The following CALN1 variants were observed in gnomAD, a reference collection of about 807,000 sequenced individuals.
The protein encoded by CALN1 is calcium-binding protein 8.
A neutral mutation model predicts 30.6 loss-of-function variants in CALN1; 17 were observed. That is an observed-to-expected ratio of 0.56 (90% CI 0.38 to 0.83). The LOEUF is 0.83. CALN1 is among the 40% of genes least tolerant of loss of function. CALN1 has a pLI of 0.00. For missense variants in CALN1, 291 were observed against 354.9 expected, an observed-to-expected ratio of 0.82 and a Z score of 1.45; for synonymous variants, 156 against 131.4, an observed-to-expected ratio of 1.19 and a Z score of -1.28.
intron 5 of CALN1, among the ~76,000 whole-genome samples, chr7:71,949,087 T>A (rs1447063007): frequency 6.8e-6 from 1 of 147,938 alleles, no homozygotes; most frequent in Non-Finnish European, 1.5e-5. Flanking sequence ...TTGTTTTCCA[T>A]GCTGCCAGTT....
intron 6 of CALN1, among the ~76,000 whole-genome samples, chr7:71,791,208 G>A (rs2115895621): frequency 6.6e-6 from 1 of 152,254 alleles, no homozygotes; most frequent in South Asian, 2.1e-4. Flanking sequence ...ATTCCATGGT[G>A]TTTATGTACC....
intron 3 of CALN1, among the ~76,000 whole-genome samples, chr7:72,237,309 A>ATCAAAT (rs1472493538): frequency 6.6e-6 from 1 of 152,136 alleles, no homozygotes; most frequent in Non-Finnish European, 1.5e-5. Context: ...TATACCGGTA[A>ATCAAAT]GGGAAGATCA....
At chr7:72,013,146 G>A (rs1482613059) in intron 5 of CALN1, among the ~76,000 whole-genome samples, 1 of 151,824 alleles carries the variant, frequency 6.6e-6, no homozygotes, top group Non-Finnish European at 1.5e-5. Flanking sequence ...CCATAACCAT[G>A]GGCGTGTGAA....
intron 5 of CALN1, among the ~76,000 whole-genome samples, chr7:71,840,812 C>G (rs898685596): frequency 3.9e-5 from 6 of 152,112 alleles, no homozygotes; most frequent in African/African-American, 1.4e-4. Context: ...TTCGTTAGCA[C>G]TGTTTGACCA....
chr7:72,343,546 CAA>C (rs34463871), intron 2 of CALN1, among the ~76,000 whole-genome samples: 24 of 144,736 alleles, frequency 1.7e-4, no homozygotes, highest in African/African-American at 3.0e-4. Flanking sequence ...GATTCTGTCT[CAA>C]AAAAAAAAAA....
intron 6 of CALN1, among the ~76,000 whole-genome samples, chr7:71,808,602 A>C (rs1351402057): frequency 6.6e-6 from 1 of 152,136 alleles, no homozygotes; most frequent in Admixed American, 6.6e-5. Flanking sequence ...TTTGAGAAAT[A>C]AAAAGGCCTT....
chr7:71,971,187 G>A (rs1219881026), intron 5 of CALN1, among the ~76,000 whole-genome samples: 1 of 152,226 alleles, frequency 6.6e-6, no homozygotes, highest in African/African-American at 2.4e-5. Context: ...GGTGGCTCAT[G>A]CCTGTAATCC....
chr7:71,825,661 A>G (rs1788865485), intron 5 of CALN1, among the ~76,000 whole-genome samples: 1 of 152,110 alleles, frequency 6.6e-6, no homozygotes, highest in African/African-American at 2.4e-5. Flanking sequence ...TACCTTGGAC[A>G]AGACTGCTTG....
At chr7:72,393,000 A>C (rs1805675672) in intron 2 of CALN1, among the ~76,000 whole-genome samples, 1 of 150,180 alleles carries the variant, frequency 6.7e-6, no homozygotes, top group Non-Finnish European at 1.5e-5. Context: ...TCTGTCACTT[A>C]AAAAAAAAAT....
In CALN1 at chr7:72,064,199, T is replaced by C. The variant is rs561421433; in HGVS notation, c.389-40430A>G. Among the ~76,000 whole-genome samples the C allele has an allele frequency of 2.6e-5, 4 of 151,790 alleles. No homozygotes were observed. The East Asian group carries it at 7.8e-4, about 30-fold the overall frequency. On this transcript the variant is annotated intron_variant, in intron 4 of 6. Transcript: ENST00000395275. ...CAGGAGGCTGAGGCAGGAGAATCACTTGAACCCAGGAGGCAGAGGTTGCAG... is the reference window on the plus strand; with the variant it reads ...CAGGAGGCTGAGGCAGGAGAATCACCTGAACCCAGGAGGCAGAGGTTGCAG...
intron 5 of CALN1, among the ~76,000 whole-genome samples, chr7:71,917,085 T>C (rs4719188): frequency 0.086 from 13,098 of 152,138 alleles, 962 homozygotes; most frequent in East Asian, 0.42. Context: ...AATGAGCTAG[T>C]TGAGAAGGTG....
At chr7:72,271,575 A>AAAAAAAAAAAAAAAAATATATATATATAT in intron 3 of CALN1, among the ~76,000 whole-genome samples, 16 of 52,108 alleles carry the variant, frequency 3.1e-4, no homozygotes, top group African/African-American at 5.4e-4. Flanking sequence ...AAAAAAAAAA[A>AAAAAAAAAAAAAAAAATATATATATATAT]ATATATATAT....
intron 3 of CALN1, among the ~76,000 whole-genome samples, chr7:72,189,355 A>G (rs1298892087): frequency 6.6e-6 from 1 of 152,210 alleles, no homozygotes; most frequent in African/African-American, 2.4e-5. Context: ...ACAGAAAAGA[A>G]TTTTGTTTCT....
chr7:72,437,789 T>A (rs1176967708), intron 1 of CALN1, among the ~76,000 whole-genome samples: 3 of 139,566 alleles, frequency 2.1e-5, no homozygotes, highest in Non-Finnish European at 4.7e-5. Context: ...CTCCCTTCCT[T>A]CCTTTCCTTC....
At chr7:72,410,383 G>A (rs1265509857) in intron 1 of CALN1, among the ~76,000 whole-genome samples, 8 of 152,182 alleles carry the variant, frequency 5.3e-5, no homozygotes, top group Admixed American at 5.2e-4. Flanking sequence ...AATCTAGGAC[G>A]TAGAAAATGT....
chr7:72,368,231 T>G (rs887837882), intron 2 of CALN1, among the ~76,000 whole-genome samples: 1 of 150,820 alleles, frequency 6.6e-6, no homozygotes, highest in Non-Finnish European at 1.5e-5. Context: ...GCGTGATATA[T>G]ATATCTAGGA....
At chr7:71,892,683 G>C (rs1383427080) in intron 5 of CALN1, among the ~76,000 whole-genome samples, 1 of 152,282 alleles carries the variant, frequency 6.6e-6, no homozygotes, top group Admixed American at 6.5e-5. Context: ...GGTTTCTTGT[G>C]TGACTTTCAA....
At chr7:71,944,568 T>G (rs1796305266) in intron 5 of CALN1, among the ~76,000 whole-genome samples, 1 of 80,810 alleles carries the variant, frequency 1.2e-5, no homozygotes, top group Non-Finnish European at 2.3e-5. Flanking sequence ...CACTCCAGCC[T>G]GGGCAATAAG....
intron 4 of CALN1, among the ~76,000 whole-genome samples, chr7:72,067,776 G>GGCAAGCGGCA (rs1804124855): frequency 6.6e-6 from 1 of 152,080 alleles, no homozygotes; most frequent in Admixed American, 6.5e-5. Flanking sequence ...CACTTGGTAT[G>GGCAAGCGGCA]CTTGGGCCCC....
Sources: gnomAD v4.1 joint callset for allele counts (sites outside exome capture counted in the v4.1 genomes callset) on GRCh38, gnomAD v4.1.1 for gene constraint, MANE v1.5 for transcripts, NCBI Gene and HGNC (gene_info 2026-07-23, HGNC 2026-07-21) for gene names.